NAV2: variants seen among roughly 807,000 people sequenced by gnomAD.
The protein encoded by NAV2 is neuron navigator 2, also known as helicase, APC down-regulated 1.
Under a neutral mutation model 223.2 loss-of-function variants are expected in NAV2, and 54 were observed. That is an observed-to-expected ratio of 0.24 (90% CI 0.19 to 0.30). NAV2 has a LOEUF of 0.30. Among genes scored for constraint, NAV2 ranks in the 10% least tolerant of loss-of-function variants. The pLI is 1.00. For missense variants in NAV2, 2,806 were observed against 3,147.5 expected, an observed-to-expected ratio of 0.89 and a Z score of 2.60; for synonymous variants, 1,279 against 1,239.3, an observed-to-expected ratio of 1.03 and a Z score of -0.67.
At chr11:19,633,334 CAG>C (rs1264769303) in intron 1 of NAV2, among the ~76,000 whole-genome samples, 1 of 152,252 alleles carries the variant, frequency 6.6e-6, no homozygotes. Flanking sequence ...TCTCCCCAGA[CAG>C]AGAGGGAGGT....
chr11:20,106,162 T>TAG lies in NAV2; in HGVS notation c.6841+436_6841+437insGA. On this transcript the variant is annotated intron_variant, in intron 35 of 37. Coordinates refer to ENST00000349880, the MANE Select transcript of NAV2 (RefSeq NM_145117.5). ...GTTCATATGTGTGTGTGTGTATATA[T>TAG]ATATATATATATATGTGTGTGTATA... is the stretch of plus-strand genomic sequence containing the variant. Among the ~76,000 whole-genome samples, 4 of 12,092 alleles carry TAG rather than the reference T, an allele frequency of 3.3e-4. No individual in the cohort carries two copies. In the South Asian group the frequency reaches 0.023, roughly 70 times the overall value. 7.9% of individuals were successfully genotyped at this position (12,092 alleles called of 152,430 possible).
chr11:19,933,988 C>G lies in NAV2; in HGVS notation c.1744C>G (p.Pro582Ala), dbSNP rs1365889726. The G allele has an allele frequency of 8.1e-6, 13 of 1,597,510 alleles. No individual in the cohort carries two copies. The highest frequency in any genetic ancestry group is 1.0e-5 in the Non-Finnish European group (12 of 1,173,414). ...MPGKSPSAPA[P>A]SKEGERSRSG... Reference sequence around the variant, plus strand: ...CGGGAAATCCCCAAGTGCCCCAGCGCCTTCCAAGGAAGGGGAGCGGAGCCG... The same window carrying G: ...CGGGAAATCCCCAAGTGCCCCAGCGGCTTCCAAGGAAGGGGAGCGGAGCCG... The change falls in exon 7 of 38, where the codon CCT becomes GCT. Residue 582 changes from proline (P) to alanine (A), a missense_variant. Physicochemically the swap from Pro to Ala is conservative, Grantham distance 27 (BLOSUM62 -1). Around this residue, in one of 4 missense-constraint regions of NAV2, gnomAD observed 1,167 missense variants for 1,180.5 expected, o/e 0.99. Coordinates refer to ENST00000349880, the MANE Select transcript of NAV2 (RefSeq NM_145117.5). The surrounding 1 kb of genome is among the most constrained non-coding windows in gnomAD (Gnocchi z 4.3).
At chr11:19,776,631 A>AGTGTGTGTGTGTGTGT (rs1565295867) in intron 1 of NAV2, among the ~76,000 whole-genome samples, 2 of 22,700 alleles carry the variant, frequency 8.8e-5, no homozygotes, top group Non-Finnish European at 3.3e-4. Context: ...GGGGTCAGAA[A>AGTGTGTGTGTGTGTGT]ATGTGTGTGT....
At chr11:19,868,467 C>T (rs111247987) in intron 3 of NAV2, among the ~76,000 whole-genome samples, 3,501 of 152,174 alleles carry the variant, frequency 0.023, 135 homozygotes, top group African/African-American at 0.079. Context: ...GCCTGCCATC[C>T]GGAGAATTTT....
intron 1 of NAV2, among the ~76,000 whole-genome samples, chr11:19,368,132 T>C (rs1848350738): frequency 6.6e-6 from 1 of 152,180 alleles, no homozygotes; most frequent in African/African-American, 2.4e-5. Flanking sequence ...TGAAATAATC[T>C]GAAATAATTT....
intron 6 of NAV2, among the ~76,000 whole-genome samples, chr11:19,901,480 G>A (rs2042439332): frequency 6.6e-6 from 1 of 152,052 alleles, no homozygotes; most frequent in East Asian, 1.9e-4. Flanking sequence ...CTGGGAAGCA[G>A]AGGTTGCAGT....
chr11:19,393,753 C>T (rs77689438), intron 1 of NAV2, among the ~76,000 whole-genome samples: 5,820 of 152,094 alleles, frequency 0.038, 357 homozygotes, highest in African/African-American at 0.13. Context: ...GGATTTTCTT[C>T]TTTTTTCTCT....
intron 6 of NAV2, among the ~76,000 whole-genome samples, chr11:19,898,385 A>G (rs1197784030): frequency 2.0e-5 from 3 of 152,198 alleles, no homozygotes; most frequent in African/African-American, 7.2e-5. Flanking sequence ...TTTGACAGAT[A>G]AAATTTTCTT....
chr11:19,796,346 A>T (rs1429645424), intron 1 of NAV2, among the ~76,000 whole-genome samples: 4 of 152,156 alleles, frequency 2.6e-5, no homozygotes, highest in East Asian at 3.8e-4. Flanking sequence ...CTCAATCCTC[A>T]TGCAGGTGCA....
chr11:19,586,492 T>C (rs539980142), intron 1 of NAV2, among the ~76,000 whole-genome samples: 24 of 152,328 alleles, frequency 1.6e-4, no homozygotes, highest in South Asian at 1.2e-3. Context: ...GCTCTGTTTT[T>C]TCCCCATCTT....
intron 1 of NAV2, among the ~76,000 whole-genome samples, chr11:19,736,005 A>G (rs2052259075): frequency 6.6e-6 from 1 of 152,194 alleles, no homozygotes; most frequent in Non-Finnish European, 1.5e-5. Flanking sequence ...TACCAGTATC[A>G]GCTTTCAGGA....
chr11:19,439,093 G>T (rs547787730), intron 1 of NAV2, among the ~76,000 whole-genome samples: 2 of 152,074 alleles, frequency 1.3e-5, no homozygotes, highest in Non-Finnish European at 2.9e-5. Flanking sequence ...GGCCCACAAA[G>T]GGTCACCTCA....
Position 20,044,892 on chromosome 11 carries a change from G to A in NAV2, c.3200-76G>A, listed in dbSNP as rs1314224518. 2.4e-6 allele frequency: 3 copies of A among 1,249,752 alleles called. No homozygotes were observed. The Admixed American group carries it at 7.2e-5, about 30-fold the overall frequency. 77.4% of individuals were successfully genotyped at this position (1,249,752 alleles called of 1,614,324 possible). A position where few individuals can be genotyped will look rare whatever the true frequency, so the allele number is the denominator to read the frequency against. On this transcript the variant is annotated intron_variant, in intron 13 of 37. Coordinates refer to ENST00000349880, the MANE Select transcript of NAV2 (RefSeq NM_145117.5). ...AAAAGTGAACCAGCTCTTCAGAGGA[G>A]GAGAGCATCTTAAACAGACGAGATG...
At chr11:19,806,051 T>C (rs1358809149) in intron 1 of NAV2, among the ~76,000 whole-genome samples, 1 of 152,244 alleles carries the variant, frequency 6.6e-6, no homozygotes, top group African/African-American at 2.4e-5. Flanking sequence ...TGGAGTTAAG[T>C]AGTTGATTGA....
intron 12 of NAV2, among the ~76,000 whole-genome samples, chr11:20,038,230 G>A (rs889015832): frequency 3.3e-5 from 5 of 152,182 alleles, no homozygotes; most frequent in African/African-American, 1.2e-4. Flanking sequence ...TCTTGTAAAT[G>A]TCACATCAGA....
intron 1 of NAV2, among the ~76,000 whole-genome samples, chr11:19,722,771 A>T (rs1405227338): frequency 1.3e-5 from 2 of 152,196 alleles, no homozygotes; most frequent in Non-Finnish European, 2.9e-5. Context: ...CCCTCTTAGG[A>T]TGTGAACTGA....
chr11:19,758,756 C>T (rs2054465572), intron 1 of NAV2, among the ~76,000 whole-genome samples: 2 of 152,272 alleles, frequency 1.3e-5, no homozygotes, highest in South Asian at 4.1e-4. Flanking sequence ...CACGCCAGCT[C>T]GGGCTGGTTG....
At chr11:19,776,110 ACT>A (rs35222325) in intron 1 of NAV2, among the ~76,000 whole-genome samples, 41,424 of 152,014 alleles carry the variant, frequency 0.27, 5,778 homozygotes, top group Middle Eastern at 0.31. Flanking sequence ...TCTCATTATA[ACT>A]CTCTGCCAGT....
At chr11:19,390,505 T>C (rs1849205439) in intron 1 of NAV2, among the ~76,000 whole-genome samples, 1 of 152,124 alleles carries the variant, frequency 6.6e-6, no homozygotes, top group African/African-American at 2.4e-5. Flanking sequence ...GGGTGAACAA[T>C]ATAGGCAAAA....
Sources: allele counts gnomAD v4.1 joint callset (sites outside exome capture counted in the v4.1 genomes callset), GRCh38; gene constraint gnomAD v4.1.1; regional missense constraint gnomAD v4.1.1; non-coding constraint Gnocchi (gnomAD v3.1); transcripts MANE v1.5; gene names NCBI Gene and HGNC (gene_info 2026-07-23, HGNC 2026-07-21).